Variants in DPP6 observed in about 807,000 individuals in gnomAD.
The protein encoded by DPP6 is dipeptidyl peptidase like 6, also known as A-type potassium channel modulatory protein DPP6.
DPP6 carries 69 observed loss-of-function variants against 122.6 expected under a neutral mutation model. That is an observed-to-expected ratio of 0.56 (90% CI 0.46 to 0.69). The LOEUF is 0.69. Among genes scored for constraint, DPP6 ranks in the 30% least tolerant of loss-of-function variants. The pLI, the probability that DPP6 is intolerant of heterozygous loss-of-function variation, is 0.00. For synonymous variants in DPP6, 418 were observed against 433.1 expected (o/e 0.97, Z 0.43); for missense variants, 928 against 1,116.9 (o/e 0.83, Z 2.41).
intron 3 of DPP6, among the ~76,000 whole-genome samples, chr7:154,477,035 T>C (rs1822803472): frequency 6.6e-6 from 1 of 151,720 alleles, no homozygotes; most frequent in Non-Finnish European, 1.5e-5. Flanking sequence ...ACTGTAATCA[T>C]GCCATTGCAC....
intron 1 of DPP6, among the ~76,000 whole-genome samples, chr7:154,005,031 C>T (rs560248375): frequency 6.6e-6 from 1 of 151,112 alleles, no homozygotes; most frequent in African/African-American, 2.4e-5. Context: ...AATGAGGGTA[C>T]AATCAGACCT....
intron 16 of DPP6, among the ~76,000 whole-genome samples, chr7:154,840,490 T>G (rs529325283): frequency 1.3e-5 from 2 of 152,210 alleles, no homozygotes; most frequent in Non-Finnish European, 2.9e-5. Context: ...ATGTACTCCA[T>G]GCTCACTCTG....
rs920421129 is a variant in DPP6, at chr7:153,887,552, A to G, written c.-132A>G. The G allele has an allele frequency of 5.9e-5, 61 of 1,038,264 alleles. No homozygotes were observed. In the Admixed American group the frequency reaches 1.2e-3, roughly 21 times the overall value. The allele number at this position is 1,038,264 out of a possible 1,614,324, so 64.3% of individuals were successfully genotyped here. Reference sequence around the variant, plus strand: ...GGAGGTGAGAAAACTGAAGACCTGGAAGATTTTTTTTTCCTTCAAAAACCC... The same window carrying G: ...GGAGGTGAGAAAACTGAAGACCTGGGAGATTTTTTTTTCCTTCAAAAACCC... On this transcript the variant is annotated 5_prime_UTR_variant, in exon 1 of 26. Coordinates refer to the DPP6 transcript ENST00000404039.
chr7:154,209,282 C>G (rs1187749045), intron 1 of DPP6, among the ~76,000 whole-genome samples: 1 of 152,170 alleles, frequency 6.6e-6, no homozygotes, highest in East Asian at 1.9e-4. Context: ...AATATTTATC[C>G]TCCTTCTCTT....
chr7:153,810,272 G>A, the DPP6 span, among the ~76,000 whole-genome samples: 3 of 152,034 alleles, frequency 2.0e-5, no homozygotes, highest in Non-Finnish European at 4.4e-5. Flanking sequence ...TGACTCATAG[G>A]GTTTTAGAGT....
intron 1 of DPP6, among the ~76,000 whole-genome samples, chr7:153,888,768 T>C (rs1159504867): frequency 1.4e-5 from 2 of 147,206 alleles, no homozygotes; most frequent in Non-Finnish European, 3.0e-5. Context: ...CTTGCTACTT[T>C]TGAAGGTTCT....
At chr7:154,307,448 A>G (rs1450572085) in intron 1 of DPP6, among the ~76,000 whole-genome samples, 1 of 152,178 alleles carries the variant, frequency 6.6e-6, no homozygotes, top group Non-Finnish European at 1.5e-5. Context: ...CTCCCTCCTC[A>G]GAGAGGTGTC....
intron 1 of DPP6, among the ~76,000 whole-genome samples, chr7:154,010,049 G>A (rs1319012013): frequency 6.6e-6 from 1 of 152,168 alleles, no homozygotes; most frequent in South Asian, 2.1e-4. Context: ...GGTGGAAGAG[G>A]TGTCATCTAT....
chr7:154,098,512 G>C (rs758909203), intron 1 of DPP6, among the ~76,000 whole-genome samples: 6 of 152,034 alleles, frequency 3.9e-5, no homozygotes, highest in African/African-American at 9.7e-5. Flanking sequence ...CAGGTAATTA[G>C]AGGGGCCTCC....
chr7:154,643,456 G>A (rs1483394746), intron 6 of DPP6, among the ~76,000 whole-genome samples: 3 of 144,720 alleles, frequency 2.1e-5, no homozygotes, highest in Non-Finnish European at 4.5e-5. Context: ...AGTCTGTTAA[G>A]TGAGTAATTT....
At chr7:154,873,987 T>C (rs73487828) in intron 19 of DPP6, among the ~76,000 whole-genome samples, 1,945 of 146,464 alleles carry the variant, frequency 0.013, 41 homozygotes, top group African/African-American at 0.047. Flanking sequence ...CACACATGCA[T>C]ACCCACATGC....
chr7:154,278,537 T>G (rs1197560204), intron 1 of DPP6, among the ~76,000 whole-genome samples: 2 of 152,196 alleles, frequency 1.3e-5, no homozygotes, highest in Non-Finnish European at 2.9e-5. Flanking sequence ...GTCTGTTCCC[T>G]CGAATGAAAA....
At chr7:154,524,753 T>C (rs2130020473) in intron 3 of DPP6, among the ~76,000 whole-genome samples, 1 of 152,080 alleles carries the variant, frequency 6.6e-6, no homozygotes, top group East Asian at 1.9e-4. Flanking sequence ...GAGCCTAGAG[T>C]CATGAGAAAA....
At chr7:154,190,158 A>T (rs919495981) in intron 1 of DPP6, among the ~76,000 whole-genome samples, 2 of 152,234 alleles carry the variant, frequency 1.3e-5, no homozygotes, top group Non-Finnish European at 2.9e-5. Context: ...TTGCAAAATC[A>T]ATATAACTTG....
At chr7:154,083,342 T>C (rs1207179357) in intron 1 of DPP6, among the ~76,000 whole-genome samples, 8 of 152,098 alleles carry the variant, frequency 5.3e-5, no homozygotes, top group Non-Finnish European at 7.3e-5. Context: ...GTTGGCAGAC[T>C]CTGTGCAGAA....
chr7:154,625,575 A>G (rs1328001612), intron 5 of DPP6, among the ~76,000 whole-genome samples: 1 of 152,194 alleles, frequency 6.6e-6, no homozygotes, highest in Non-Finnish European at 1.5e-5. Flanking sequence ...GAAGAGAACC[A>G]GCTGTGCAGC....
At chr7:154,790,610 T>C (rs1304050919) in intron 10 of DPP6, among the ~76,000 whole-genome samples, 1 of 152,172 alleles carries the variant, frequency 6.6e-6, no homozygotes, top group Admixed American at 6.5e-5. Flanking sequence ...ATGAAGAAAC[T>C]GAGGGTTGAA....
chr7:154,527,728 C>G (rs1166858090), intron 3 of DPP6, among the ~76,000 whole-genome samples: 1 of 152,092 alleles, frequency 6.6e-6, no homozygotes, highest in African/African-American at 2.4e-5. Flanking sequence ...CAAAACCAAA[C>G]AGCATATATA....
At chr7:154,008,646 ATTATTTCTTTTCTTTTTTTTTTTT>A (rs1798015451) in intron 1 of DPP6, among the ~76,000 whole-genome samples, 1 of 145,902 alleles carries the variant, frequency 6.9e-6, no homozygotes, top group Admixed American at 6.8e-5. Context: ...AATTAGGAAT[ATTATTTCTTTTCTTTTTTTTTTTT>A]TTTTTTTTTG....
Sources: allele counts gnomAD v4.1 joint callset (sites outside exome capture counted in the v4.1 genomes callset), GRCh38; gene constraint gnomAD v4.1.1; transcripts MANE v1.5; gene names NCBI Gene and HGNC (gene_info 2026-07-23, HGNC 2026-07-21).